OR6N1: variants seen among roughly 807,000 people sequenced by gnomAD.
OR6N1 encodes olfactory receptor 6N1.
For synonymous variants in OR6N1, 170 were observed against 150.7 expected, an observed-to-expected ratio of 1.13 and a Z score of -0.94; for missense variants, 394 against 371.7, an observed-to-expected ratio of 1.06 and a Z score of -0.49.
Position 158,766,124 on chromosome 1 carries a change from A to G in OR6N1, c.559T>C (p.Leu187=), listed in dbSNP as rs1473799699. The G allele has an allele frequency of 5.0e-6, 8 of 1,614,174 alleles. No individual in the cohort carries two copies. The highest frequency in any genetic ancestry group is 6.8e-6 in the Non-Finnish European group (8 of 1,180,034). ...VFCDFPPVLS[L]ACTDTSINVL... is the part of the protein sequence containing the mutation. ...TTTATAGACGTATCAGTGCAAGCCA[A>G]ACTCAGCACAGGAGGGAAGTCACAA... The change falls in exon 2 of 2, where the codon TTG becomes CTG. Residue 187 remains leucine (L), a synonymous_variant. Coordinates refer to ENST00000641846, the MANE Select transcript of OR6N1 (RefSeq NM_001005185.2).
At chr1:158,782,423 A>G in the OR6N1 span, among the ~76,000 whole-genome samples, 1 of 152,226 alleles carries the variant, frequency 6.6e-6, no homozygotes, top group Non-Finnish European at 1.5e-5. Context: ...AAATGACAGG[A>G]CAAGGCCTTC....
chr1:158,809,257 C>T, the OR6N1 span: 1 of 152,740 alleles, frequency 6.5e-6, no homozygotes, highest in African/African-American at 2.4e-5. Flanking sequence ...CCCAAGAAGG[C>T]AAGAGGTTGT....
Sources: allele counts gnomAD v4.1 joint callset (sites outside exome capture counted in the v4.1 genomes callset), GRCh38; gene constraint gnomAD v4.1.1; transcripts MANE v1.5; gene names NCBI Gene and HGNC (gene_info 2026-07-23, HGNC 2026-07-21).